Variants in LMO7 observed in about 807,000 individuals in gnomAD.
The protein encoded by LMO7 is LIM domain 7, also known as LIM domain only protein 7.
LMO7 carries 120 observed loss-of-function variants against 206.5 expected under a neutral mutation model. The observed-to-expected ratio is 0.58, with a 90% CI of 0.50 to 0.68. The LOEUF (loss-of-function observed/expected upper bound fraction) is 0.68. Among genes scored for constraint, LMO7 ranks in the 30% least tolerant of loss-of-function variants. LMO7 has a pLI of 0.00. For synonymous variants in LMO7, 706 were observed against 681.5 expected, an observed-to-expected ratio of 1.04 and a Z score of -0.56; for missense variants, 1,959 against 1,957.9, an observed-to-expected ratio of 1.00 and a Z score of -0.01.
chr13:75,703,895 A>G (rs2042466294), intron 1 of LMO7, among the ~76,000 whole-genome samples: 2 of 152,162 alleles, frequency 1.3e-5, no homozygotes, highest in South Asian at 4.2e-4. Context: ...TTTTTACCTA[A>G]TGTGTTTATG....
At chr13:75,719,066 G>A (rs548393801) in intron 2 of LMO7, among the ~76,000 whole-genome samples, 5 of 149,572 alleles carry the variant, frequency 3.3e-5, no homozygotes, top group South Asian at 4.2e-4. Flanking sequence ...TGCAACCTCC[G>A]TCTCCTGGGT....
chr13:75,661,083 T>G (rs1175015778), intron 1 of LMO7, among the ~76,000 whole-genome samples: 3 of 152,250 alleles, frequency 2.0e-5, no homozygotes, highest in Non-Finnish European at 4.4e-5. Context: ...GCAGTAATTC[T>G]TCCTTCTACA....
chr13:75,786,725 G>C (rs1468200195), intron 4 of LMO7, among the ~76,000 whole-genome samples: 1 of 152,108 alleles, frequency 6.6e-6, no homozygotes, highest in African/African-American at 2.4e-5. Flanking sequence ...TCAGTCTTAT[G>C]AGGTTCTATT....
intron 7 of LMO7, 191 bp from the exon 8 acceptor site, chr13:75,804,098 C>T (rs988587693): frequency 3.3e-5 from 19 of 571,500 alleles, no homozygotes; most frequent in African/African-American, 2.2e-4. Context: ...CTGCATGTGC[C>T]TCCAGTATGC....
In LMO7 at chr13:75,750,296, G is replaced by A. The variant is rs181259268; in HGVS notation, c.211-10636G>A. ...ATACTAAAGAGAAACACTGTCTTAA[G>A]TTATATTTGATGAAAACCTTTTCCT... On this transcript the variant is annotated intron_variant, in intron 3 of 30. Coordinates refer to ENST00000377534, the MANE Select transcript of LMO7 (RefSeq NM_001306080.2). 1.4e-4 allele frequency among the ~76,000 whole-genome samples: 21 copies of A among 148,454 alleles called. No individual in the cohort carries two copies. The East Asian group carries it at 4.1e-3, about 29-fold the overall frequency.
At chr13:75,809,306 A>T in intron 11 of LMO7, 123 bp downstream of exon 11, 1 of 771,050 alleles carries the variant, frequency 1.3e-6, no homozygotes, top group Middle Eastern at 2.4e-4. Context: ...GATATTTTTT[A>T]AGTGGGAAAT....
chr13:75,704,967 C>G (rs537968070), intron 1 of LMO7, among the ~76,000 whole-genome samples: 13 of 152,308 alleles, frequency 8.5e-5, no homozygotes, highest in African/African-American at 3.1e-4. Context: ...TAATATTTAT[C>G]TGATAGATAT....
chr13:75,702,618 A>G (rs571895762), intron 1 of LMO7, among the ~76,000 whole-genome samples: 96 of 152,380 alleles, frequency 6.3e-4, no homozygotes, highest in Non-Finnish European at 1.2e-3. Flanking sequence ...CTGAATATAC[A>G]ATATAAGTTT....
chr13:75,661,570 C>A, intron 1 of LMO7, among the ~76,000 whole-genome samples: 1 of 152,124 alleles, frequency 6.6e-6, no homozygotes. Flanking sequence ...GGGCCAGATT[C>A]CAGAAAAAGT....
intron 3 of LMO7, among the ~76,000 whole-genome samples, chr13:75,752,468 C>T (rs372858777): frequency 1.3e-5 from 2 of 152,216 alleles, no homozygotes; most frequent in South Asian, 4.1e-4. Flanking sequence ...TCATGGGGCA[C>T]AAGTACAATT....
chr13:75,786,574 A>G (rs376638674), intron 4 of LMO7, among the ~76,000 whole-genome samples: 12 of 151,744 alleles, frequency 7.9e-5, no homozygotes, highest in East Asian at 7.7e-4. Flanking sequence ...TTTAGTAGAG[A>G]TGGGGTTTCA....
chr13:75,780,645 T>G (rs1345203056), intron 4 of LMO7, among the ~76,000 whole-genome samples: 2 of 152,298 alleles, frequency 1.3e-5, no homozygotes, highest in Non-Finnish European at 2.9e-5. Context: ...ATGACGGGAT[T>G]AAGAGATTAA....
At chr13:75,811,204 T>TTC (rs200005328) in intron 11 of LMO7, among the ~76,000 whole-genome samples, 2,685 of 130,028 alleles carry the variant, frequency 0.021, 67 homozygotes, top group African/African-American at 0.057. Flanking sequence ...CTTTTTTTCT[T>TTC]TCTCTTTTTT....
At chr13:75,755,924 GT>G (rs1478824611) in intron 3 of LMO7, among the ~76,000 whole-genome samples, 6 of 152,258 alleles carry the variant, frequency 3.9e-5, no homozygotes, top group Middle Eastern at 3.4e-3. Flanking sequence ...AGAGGAGAAA[GT>G]GAAGAATAGA....
chr13:75,856,339 G>A (rs556262182), intron 29 of LMO7, among the ~76,000 whole-genome samples, 167 bp from the exon 30 acceptor site: 1 of 152,096 alleles, frequency 6.6e-6, no homozygotes, highest in South Asian at 2.1e-4. Context: ...TTATCTGGCG[G>A]TCTTGATTTG....
At chr13:75,722,489 G>A (rs1830760) in intron 2 of LMO7, among the ~76,000 whole-genome samples, 75,934 of 151,958 alleles carry the variant, frequency 0.5, 20,923 homozygotes, top group African/African-American at 0.73. Context: ...CAAAACCACA[G>A]TGTAATACCA....
intron 11 of LMO7, among the ~76,000 whole-genome samples, chr13:75,814,251 T>C (rs1349188431): frequency 6.6e-6 from 1 of 152,232 alleles, no homozygotes; most frequent in Non-Finnish European, 1.5e-5. Context: ...CAAATTTTGC[T>C]GGATTAAATG....
intron 1 of LMO7, among the ~76,000 whole-genome samples, chr13:75,663,905 C>T (rs2038867136): frequency 6.6e-6 from 1 of 151,912 alleles, no homozygotes; most frequent in Non-Finnish European, 1.5e-5. Flanking sequence ...GATTTTTATA[C>T]AGACATGTAA....
intron 3 of LMO7, among the ~76,000 whole-genome samples, chr13:75,759,094 C>G (rs541798865): frequency 6.6e-6 from 1 of 152,072 alleles, no homozygotes; most frequent in Non-Finnish European, 1.5e-5. Context: ...TGAGAGAGAG[C>G]GAAGGGGGAA....
Sources: allele counts gnomAD v4.1 joint callset (sites outside exome capture counted in the v4.1 genomes callset), GRCh38; gene constraint gnomAD v4.1.1; transcripts MANE v1.5; gene names NCBI Gene and HGNC (gene_info 2026-07-23, HGNC 2026-07-21).